Variants in ITGB3 observed in about 807,000 individuals in gnomAD.
The protein encoded by ITGB3 is integrin subunit beta 3, also known as integrin beta-3.
A neutral mutation model predicts 85.8 loss-of-function variants in ITGB3; 48 were observed. The observed-to-expected ratio is 0.56, with a 90% CI of 0.44 to 0.71. ITGB3 has a LOEUF of 0.71. Ranked by LOEUF, ITGB3 falls within the 30% of genes least tolerant of loss-of-function variation. The probability of loss-of-function intolerance (pLI) is 0.00; values close to 1 mark genes in which losing one functional copy is unlikely to be tolerated. For synonymous variants in ITGB3, 363 were observed against 395.6 expected (o/e 0.92, Z 0.98); for missense variants, 861 against 1,019.1 (o/e 0.84, Z 2.11).
intron 8 of ITGB3, 53 bp from the exon 9 acceptor site, chr17:47,290,901 T>A (rs1203057214): frequency 1.2e-6 from 2 of 1,609,592 alleles, no homozygotes; most frequent in African/African-American, 2.7e-5. Flanking sequence ...TCTTGCCATT[T>A]CCCGTTTCCT....
chr17:47,272,478 T>C (rs1238932398), intron 1 of ITGB3, among the ~76,000 whole-genome samples: 1 of 152,026 alleles, frequency 6.6e-6, no homozygotes, highest in Non-Finnish European at 1.5e-5. Flanking sequence ...GTTTTTATGG[T>C]TTTCAATAGG....
intron 2 of ITGB3, among the ~76,000 whole-genome samples, chr17:47,282,457 A>G (rs1707421923): frequency 6.6e-6 from 1 of 152,218 alleles, no homozygotes; most frequent in African/African-American, 2.4e-5. Flanking sequence ...GCTGTTAAGT[A>G]CTGAAGGAGG....
rs1170173107 is a variant in ITGB3 at position 47,311,467 on chromosome 17, C to G, written c.*1263C>G. 1.3e-5 allele frequency: 2 copies of G among 152,570 alleles called. No homozygotes were observed. The highest frequency in any genetic ancestry group is 2.9e-5 in the Non-Finnish European group (2 of 68,046). The allele number at this position is 152,570 out of a possible 1,614,324, so 9.5% of individuals were successfully genotyped here. ...TTTTCTCATGATGAGGTTTTCTTAA[C>G]TTAAAAGAACATGTATATAAACATG... On this transcript the variant is annotated 3_prime_UTR_variant, in exon 15 of 15. Transcript: ENST00000559488.
intron 8 of ITGB3, 129 bp downstream of exon 8, chr17:47,290,403 C>G (rs2065120410): frequency 1.2e-6 from 1 of 822,906 alleles, no homozygotes; most frequent in Non-Finnish European, 2.1e-6. Flanking sequence ...CGTGTGCTCC[C>G]AGAGCCCAGG....
intron 1 of ITGB3, among the ~76,000 whole-genome samples, chr17:47,263,601 T>C (rs2065016136): frequency 1.3e-5 from 2 of 151,684 alleles, no homozygotes; most frequent in South Asian, 4.2e-4. Context: ...GCAATTCTCC[T>C]GCCTCAGCCT....
At chr17:47,260,885 C>G (rs537293411) in intron 1 of ITGB3, among the ~76,000 whole-genome samples, 1 of 151,616 alleles carries the variant, frequency 6.6e-6, no homozygotes, top group South Asian at 2.1e-4. Flanking sequence ...AACATGATGT[C>G]TTGAAATATG....
intron 13 of ITGB3, among the ~76,000 whole-genome samples, chr17:47,304,167 TACAGGTGTGAG>T (rs1296543448): frequency 6.6e-6 from 1 of 152,090 alleles, no homozygotes; most frequent in Non-Finnish European, 1.5e-5. Flanking sequence ...GTGTTGGGAT[TACAGGTGTGAG>T]CCAACACACA....
rs2065172567 is a variant in ITGB3 at position 47,302,857 on chromosome 17, G to A, written c.2134+17G>A. The A allele has an allele frequency of 6.8e-6, 11 of 1,613,908 alleles. No individual in the cohort carries two copies. Among genetic ancestry groups the A allele is most frequent in the African/African-American group, 4.0e-5 (3 of 74,930 alleles). On this transcript the variant is annotated intron_variant, in intron 13 of 14. Transcript: ENST00000559488. ...AAGAGCCAGGTGAGTGAACCCTGAC[G>A]GCTCCCGGCCCTGCCCCAGGAGGGA...
intron 7 of ITGB3, 127 bp from the exon 8 acceptor site, chr17:47,290,058 G>A: frequency 4.8e-6 from 4 of 825,806 alleles, no homozygotes; most frequent in Admixed American, 3.6e-5. Flanking sequence ...TCCTGGCAGT[G>A]ACAATTGAAA....
Position 47,310,174 on chromosome 17 carries a change from C to T in ITGB3, c.2337C>T (p.Thr779=). The T allele has an allele frequency of 1.2e-6, 2 of 1,614,054 alleles. No homozygotes were observed. The highest frequency in any genetic ancestry group is 1.1e-5 in the South Asian group (1 of 91,080). The change falls in exon 15 of 15, where the codon ACC becomes ACT. Residue 779 remains threonine, a synonymous_variant. Coordinates refer to ENST00000559488, the MANE Select transcript of ITGB3 (RefSeq NM_000212.3). ...CACTGTATAAAGAGGCCACGTCTAC[C>T]TTCACCAATATCACGTACCGGGGCA... The part of the protein sequence containing the change: ...NNPLYKEATS[T]FTNITYRGT
At chr17:47,281,673 T>C (rs1393108158) in intron 2 of ITGB3, among the ~76,000 whole-genome samples, 5 of 152,168 alleles carry the variant, frequency 3.3e-5, no homozygotes, top group Non-Finnish European at 5.9e-5. Context: ...ACTGAAGTGA[T>C]AGGATGGGCT....
intron 9 of ITGB3, 105 bp from the exon 10 acceptor site, chr17:47,292,032 AAT>A: frequency 8.7e-7 from 1 of 1,147,582 alleles, no homozygotes; most frequent in Non-Finnish European, 1.3e-6. Flanking sequence ...TAAGACACCC[AAT>A]TTGGGTATTC....
chr17:47,301,452 G>A (rs2143135231), intron 12 of ITGB3, among the ~76,000 whole-genome samples: 1 of 152,298 alleles, frequency 6.6e-6, no homozygotes, highest in South Asian at 2.1e-4. Context: ...AGTAGGGCTG[G>A]GGTGAGGTTA....
At chr17:47,288,626 T>G (rs562610671) in intron 6 of ITGB3, among the ~76,000 whole-genome samples, 2 of 152,230 alleles carry the variant, frequency 1.3e-5, no homozygotes, top group African/African-American at 2.4e-5. Flanking sequence ...CATGGACATG[T>G]TCACGATTCA....
At chr17:47,283,928 C>G (rs904796903) in intron 3 of ITGB3, among the ~76,000 whole-genome samples, 1 of 152,182 alleles carries the variant, frequency 6.6e-6, no homozygotes, top group Non-Finnish European at 1.5e-5. Flanking sequence ...GTAAGCCCCC[C>G]TTTCATGGGG....
intron 2 of ITGB3, among the ~76,000 whole-genome samples, chr17:47,278,853 T>G (rs368119949): frequency 6.6e-6 from 1 of 152,216 alleles, no homozygotes; most frequent in Non-Finnish European, 1.5e-5. Flanking sequence ...TAATGCCTGA[T>G]GATCTGGGGT....
At chr17:47,300,912 C>T (rs753174899) in intron 12 of ITGB3, among the ~76,000 whole-genome samples, 11 of 152,180 alleles carry the variant, frequency 7.2e-5, no homozygotes, top group Non-Finnish European at 1.6e-4. Flanking sequence ...AGGCACAGAG[C>T]TGGGAAGTGG....
chr17:47,306,539 A>G (rs1350663059), intron 13 of ITGB3, among the ~76,000 whole-genome samples: 3 of 152,202 alleles, frequency 2.0e-5, no homozygotes, highest in Non-Finnish European at 2.9e-5. Flanking sequence ...CGGCCTCCCA[A>G]GTGCTGGCAT....
At chr17:47,288,234 G>T (rs1415212057) in intron 6 of ITGB3, among the ~76,000 whole-genome samples, 2 of 90,490 alleles carry the variant, frequency 2.2e-5, no homozygotes, top group South Asian at 7.2e-4. Context: ...GAGAGAGAGA[G>T]AGAGAGAAAG....
Sources: allele counts gnomAD v4.1 joint callset (sites outside exome capture counted in the v4.1 genomes callset), GRCh38; gene constraint gnomAD v4.1.1; transcripts MANE v1.5; gene names NCBI Gene and HGNC (gene_info 2026-07-23, HGNC 2026-07-21).